Variants in GNG12 observed in about 807,000 individuals in gnomAD.
GNG12 encodes the protein G protein subunit gamma 12.
For synonymous variants in GNG12, 28 were observed against 29.7 expected (o/e 0.94, Z 0.19); for missense variants, 69 against 83.8 (o/e 0.82, Z 0.69).
At chr1:67,722,028 C>A (rs1470340166) in intron 2 of GNG12, among the ~76,000 whole-genome samples, 1 of 152,074 alleles carries the variant, frequency 6.6e-6, no homozygotes, top group Admixed American at 6.6e-5. Flanking sequence ...TGATTCTAGT[C>A]TTAAAGCCCT....
At chr1:67,819,906 G>T (rs558739356) in intron 1 of GNG12, among the ~76,000 whole-genome samples, 8 of 152,198 alleles carry the variant, frequency 5.3e-5, no homozygotes, top group African/African-American at 1.9e-4. Context: ...CCAAAGAGTG[G>T]TCTTTCCTGG....
intron 2 of GNG12, among the ~76,000 whole-genome samples, chr1:67,767,902 T>A (rs920574641): frequency 1.3e-5 from 2 of 152,258 alleles, no homozygotes; most frequent in Non-Finnish European, 2.9e-5. Context: ...AATGTCTTCA[T>A]AAAATCCATT....
intron 1 of GNG12, among the ~76,000 whole-genome samples, chr1:67,811,375 A>G (rs956223118): frequency 1.3e-5 from 2 of 152,056 alleles, no homozygotes; most frequent in South Asian, 2.1e-4. Context: ...AGATACTACA[A>G]TTTTTGGTGG....
chr1:67,716,367 A>G (rs1316839394), intron 2 of GNG12, among the ~76,000 whole-genome samples: 4 of 152,208 alleles, frequency 2.6e-5, no homozygotes, highest in Non-Finnish European at 5.9e-5. Flanking sequence ...GTCCCTGAAT[A>G]ATAATAATAA....
intron 1 of GNG12, among the ~76,000 whole-genome samples, chr1:67,827,692 T>C (rs1647019248): frequency 7.5e-6 from 1 of 133,072 alleles, no homozygotes; most frequent in Non-Finnish European, 1.6e-5. Context: ...CCCAAAGTGC[T>C]GGGATTACAG....
intron 3 of GNG12, among the ~76,000 whole-genome samples, chr1:67,706,879 C>T (rs567690057): frequency 5.9e-5 from 9 of 152,018 alleles, no homozygotes; most frequent in East Asian, 1.9e-4. Context: ...AGGCTGGTCT[C>T]GAATTCCCAA....
In GNG12 at chr1:67,713,295, T is replaced by C. The variant is rs1557593456; in HGVS notation, c.-26-5583A>G. On this transcript the variant is annotated intron_variant, in intron 2 of 3. Coordinates refer to ENST00000370982, the MANE Select transcript of GNG12 (RefSeq NM_018841.6). The stretch of plus-strand genomic sequence containing the variant: ...CTGGCTATCACTTCTGCAGCCTTGC[T>C]TTCATTTTTGCATATGGGTAACAGA... Among the ~76,000 whole-genome samples, 3 of 152,346 alleles carry C rather than the reference T, an allele frequency of 2.0e-5. No individual in the cohort carries two copies. The South Asian group carries it at 6.2e-4, about 32-fold the overall frequency.
chr1:67,816,061 GA>G (rs1186021810), intron 1 of GNG12, among the ~76,000 whole-genome samples: 1 of 152,210 alleles, frequency 6.6e-6, no homozygotes, highest in Non-Finnish European at 1.5e-5. Flanking sequence ...ATAAGTTTAT[GA>G]ACCGCTGCCC....
At chr1:67,745,623 G>A (rs1389002369) in intron 2 of GNG12, among the ~76,000 whole-genome samples, 1 of 152,160 alleles carries the variant, frequency 6.6e-6, no homozygotes, top group Non-Finnish European at 1.5e-5. Flanking sequence ...ACAGGGTTGG[G>A]GGCAAGTAAG....
chr1:67,781,615 T>G (rs1044690487), intron 1 of GNG12, among the ~76,000 whole-genome samples: 2 of 152,154 alleles, frequency 1.3e-5, no homozygotes, highest in African/African-American at 4.8e-5. Context: ...CTTCAGCAGC[T>G]GTAGGGAGGA....
intron 1 of GNG12, among the ~76,000 whole-genome samples, chr1:67,819,198 T>A (rs1380695885): frequency 1.3e-5 from 2 of 151,800 alleles, no homozygotes; most frequent in Admixed American, 1.3e-4. Flanking sequence ...TAGGGAGAGA[T>A]GAAGGGGAGG....
At chr1:67,788,924 T>C (rs1391299057) in intron 1 of GNG12, among the ~76,000 whole-genome samples, 1 of 152,180 alleles carries the variant, frequency 6.6e-6, no homozygotes, top group African/African-American at 2.4e-5. Context: ...TGAATGATGG[T>C]GGGACCATAC....
chr1:67,741,802 A>T (rs78339692), intron 2 of GNG12, among the ~76,000 whole-genome samples: 28 of 152,156 alleles, frequency 1.8e-4, no homozygotes, highest in East Asian at 1.2e-3. Context: ...AATTATTATT[A>T]TTTTTTTCAT....
chr1:67,718,073 G>A (rs893509317), intron 2 of GNG12, among the ~76,000 whole-genome samples: 1 of 152,182 alleles, frequency 6.6e-6, no homozygotes, highest in African/African-American at 2.4e-5. Flanking sequence ...TCCACCCTAT[G>A]ACTTCAGCTA....
At chr1:67,825,249 G>A (rs1452290767) in intron 1 of GNG12, among the ~76,000 whole-genome samples, 1 of 152,200 alleles carries the variant, frequency 6.6e-6, no homozygotes, top group Non-Finnish European at 1.5e-5. Flanking sequence ...GGGAATCTGA[G>A]TATGTCTGAA....
chr1:67,749,985 G>A (rs1197210992), intron 2 of GNG12, among the ~76,000 whole-genome samples: 1 of 152,158 alleles, frequency 6.6e-6, no homozygotes, highest in East Asian at 1.9e-4. Context: ...CAAACCTTGG[G>A]CACTCTCAGA....
rs1229208961 is a variant in GNG12, at chr1:67,704,142, C to T, written c.*1309G>A. 1 of 152,118 alleles carries T rather than the reference C, an allele frequency of 6.6e-6. No individual in the cohort carries two copies. The highest frequency in any genetic ancestry group is 1.5e-5 in the Non-Finnish European group (1 of 68,038). The allele number at this position is 152,118 out of a possible 1,614,324, so 9.4% of individuals were successfully genotyped here. ...AAGAGTGTGAGGGCTATATTTGGGCCCAGAGGAAAATCAAGGAACCCCATA... is the reference window on the plus strand; with the variant it reads ...AAGAGTGTGAGGGCTATATTTGGGCTCAGAGGAAAATCAAGGAACCCCATA... On this transcript the variant is annotated 3_prime_UTR_variant, in exon 4 of 4. Transcript: ENST00000370982.
chr1:67,731,115 T>C (rs544782944), intron 2 of GNG12, among the ~76,000 whole-genome samples: 35 of 152,074 alleles, frequency 2.3e-4, no homozygotes, highest in African/African-American at 8.0e-4. Flanking sequence ...TTTTATTTTT[T>C]CCCCCCAGAA....
chr1:67,795,813 G>A (rs1373249394), intron 1 of GNG12, among the ~76,000 whole-genome samples: 1 of 152,144 alleles, frequency 6.6e-6, no homozygotes, highest in Admixed American at 6.5e-5. Context: ...TGAGGACACA[G>A]GAAAAGGGCA....
Sources: allele counts gnomAD v4.1 joint callset (sites outside exome capture counted in the v4.1 genomes callset), GRCh38; gene constraint gnomAD v4.1.1; transcripts MANE v1.5; gene names NCBI Gene and HGNC (gene_info 2026-07-23, HGNC 2026-07-21).